Variants in SHOC1 observed in about 807,000 individuals in gnomAD.
The protein encoded by SHOC1 is shortage in chiasmata 1, also known as protein shortage in chiasmata 1 ortholog.
Under a neutral mutation model 179.2 loss-of-function variants are expected in SHOC1, and 136 were observed. The ratio of observed to expected loss-of-function variants is 0.76; its 90% CI spans 0.66 to 0.87. The LOEUF (loss-of-function observed/expected upper bound fraction) is 0.87. Among genes scored for constraint, SHOC1 ranks in the 40% least tolerant of loss-of-function variants. The pLI, the probability that SHOC1 is intolerant of heterozygous loss-of-function variation, is 0.00. For synonymous variants in SHOC1, 489 were observed against 586.6 expected (o/e 0.83, Z 2.41); for missense variants, 1,538 against 1,700.8 (o/e 0.90, Z 1.68).
intron 5 of SHOC1, among the ~76,000 whole-genome samples, chr9:111,773,309 T>C (rs1835692579): frequency 6.6e-6 from 1 of 152,166 alleles, no homozygotes; most frequent in Non-Finnish European, 1.5e-5. Context: ...TATTTTATTT[T>C]ATTTTTATTT....
chr9:111,740,986 T>G (rs1052282212), intron 11 of SHOC1, among the ~76,000 whole-genome samples: 4 of 152,136 alleles, frequency 2.6e-5, no homozygotes, highest in Admixed American at 2.6e-4. Flanking sequence ...CTCCCAGGTT[T>G]TCAAGTGATT....
At chr9:111,752,554 GA>G (rs1292605740) in intron 8 of SHOC1, among the ~76,000 whole-genome samples, 1 of 152,070 alleles carries the variant, frequency 6.6e-6, no homozygotes, top group Non-Finnish European at 1.5e-5. Flanking sequence ...TTAGTAGAAT[GA>G]AAAAACAGGA....
intron 2 of SHOC1, among the ~76,000 whole-genome samples, chr9:111,789,226 A>T (rs1201072620): frequency 2.0e-5 from 3 of 152,218 alleles, no homozygotes; most frequent in Non-Finnish European, 4.4e-5. Flanking sequence ...TAAAGAGAAA[A>T]AGATTACTTA....
chr9:111,692,152 T>C lies in SHOC1; in HGVS notation c.3825A>G (p.Glu1275=), dbSNP rs149179298. The change falls in exon 27 of 28, where the codon GAA becomes GAG. Residue 1275 remains glutamate, a synonymous_variant. Transcript: ENST00000682961. The stretch of plus-strand genomic sequence containing the variant: ...AGGAGTTATAAGCCGGTCTCCTTGA[T>C]TCTATATTAATTAGAAAAGGAGTAT... The part of the protein sequence containing the change: ...GQNTPFLINI[E]SRRPAYNSFL... 2.3e-4 allele frequency: 370 copies of C among 1,613,818 alleles called. 1 individual carries two copies. In the African/African-American group the frequency reaches 4.3e-3, roughly 19 times the overall value.
At chr9:111,751,540 C>T (rs1181273873) in intron 8 of SHOC1, among the ~76,000 whole-genome samples, 1 of 152,024 alleles carries the variant, frequency 6.6e-6, no homozygotes, top group Non-Finnish European at 1.5e-5. Context: ...TTAAAAAAGG[C>T]TACGTCTCAG....
Position 111,785,977 on chromosome 9 carries a change from A to AAACAT in SHOC1, c.99_103dup (p.Leu35TyrfsTer11). On this transcript the variant is annotated frameshift_variant, in exon 3 of 28. Transcript: ENST00000682961. LOFTEE classifies it high-confidence loss of function. Reference sequence around the variant, plus strand: ...TACATGGTAACTTTCATCTTGATATAAACATGAAGGGATTCGAAGCAATAA... The same window carrying AAACAT: ...TACATGGTAACTTTCATCTTGATATAAACATAACATGAAGGGATTCGAAGCAATAA... The AAACAT allele has an allele frequency of 6.5e-7, 1 of 1,528,978 alleles. No homozygotes were observed. Among genetic ancestry groups the AAACAT allele is most frequent in the Admixed American group, 2.1e-5 (1 of 47,158 alleles). The allele number at this position is 1,528,978 out of a possible 1,614,324, so 94.7% of individuals were successfully genotyped here. A position where few individuals can be genotyped will look rare whatever the true frequency, so the allele number is the denominator to read the frequency against.
At chr9:111,750,699 T>C (rs1320769316) in intron 8 of SHOC1, among the ~76,000 whole-genome samples, 2 of 152,198 alleles carry the variant, frequency 1.3e-5, no homozygotes, top group African/African-American at 4.8e-5. Context: ...TGTTTGCTTT[T>C]TTCTTGTACA....
chr9:111,791,338 T>C (rs894484043), intron 2 of SHOC1, 36 bp downstream of exon 2: 7 of 1,253,900 alleles, frequency 5.6e-6, no homozygotes, highest in Non-Finnish European at 6.4e-6. Context: ...ACATCATAAT[T>C]CTCAGTAAAT....
chr9:111,691,515 T>TTCC, intron 27 of SHOC1, 36 bp downstream of exon 27: 1 of 1,510,908 alleles, frequency 6.6e-7, no homozygotes, highest in Non-Finnish European at 8.9e-7. Context: ...AAAATTAAAT[T>TTCC]TGAGAGTAGT....
chr9:111,754,111 T>G (rs1240213791), intron 8 of SHOC1, among the ~76,000 whole-genome samples: 1 of 152,208 alleles, frequency 6.6e-6, no homozygotes, highest in African/African-American at 2.4e-5. Context: ...GGTAAATATT[T>G]CACAATGTAT....
chr9:111,786,296 G>A (rs939238603), intron 2 of SHOC1, among the ~76,000 whole-genome samples: 2 of 152,096 alleles, frequency 1.3e-5, no homozygotes, highest in African/African-American at 4.8e-5. Flanking sequence ...TTATCCGGGC[G>A]TGGTTGTGGG....
In SHOC1 at chr9:111,780,873, C is replaced by A. The variant is rs1363613503; in HGVS notation, c.257+57G>T. On this transcript the variant is annotated intron_variant, in intron 4 of 27. Coordinates refer to ENST00000682961, the MANE Select transcript of SHOC1 (RefSeq NM_001378211.1). ...TTTCCCTCTTTAGGTATCTGGAGAACTTACTGTTTATCTTCTACTAGATGT... is the reference window on the plus strand; with the variant it reads ...TTTCCCTCTTTAGGTATCTGGAGAAATTACTGTTTATCTTCTACTAGATGT... 3.3e-6 allele frequency: 4 copies of A among 1,211,556 alleles called. No homozygotes were observed. In the African/African-American group the frequency reaches 6.1e-5, roughly 18 times the overall value. The allele number at this position is 1,211,556 out of a possible 1,614,324, so 75.1% of individuals were successfully genotyped here.
In SHOC1 at chr9:111,775,841, G is replaced by C. The variant is rs760920708; in HGVS notation, c.392C>G (p.Thr131Ser). 7 of 1,613,252 alleles carry C rather than the reference G, an allele frequency of 4.3e-6. No homozygotes were observed. In the Middle Eastern group the frequency reaches 5.0e-4, roughly 114 times the overall value. ...YTHMDYNEVF[T>S]PVSCLEKCSA... ...ACATTTTTCTAAACAACTGACAGGG[G>C]TAAAGACTTCATTGTAGTCCATGTG... is the stretch of plus-strand genomic sequence containing the variant. The change falls in exon 5 of 28, where the codon ACC becomes AGC. Residue 131 changes from threonine (T) to serine (S), a missense_variant. Physicochemically the swap from Thr to Ser is moderately conservative, Grantham distance 58. Transcript: ENST00000682961.
intron 16 of SHOC1, among the ~76,000 whole-genome samples, chr9:111,716,207 A>T (rs1832777897): frequency 1.3e-5 from 2 of 152,072 alleles, no homozygotes; most frequent in South Asian, 4.1e-4. Flanking sequence ...GTAGATAAAT[A>T]GTAATGCCAA....
chr9:111,741,681 T>C (rs1834048278), intron 10 of SHOC1, 111 bp from the exon 11 acceptor site: 1 of 481,634 alleles, frequency 2.1e-6, no homozygotes. Flanking sequence ...TCGCCCAGGC[T>C]GGGGTACAGT....
At chr9:111,741,760 C>T (rs1589431190) in intron 10 of SHOC1, among the ~76,000 whole-genome samples, 190 bp from the exon 11 acceptor site, 1 of 151,974 alleles carries the variant, frequency 6.6e-6, no homozygotes. Flanking sequence ...GGCTCCCGAG[C>T]AGCTGGGATT....
At chr9:111,735,726 G>T (rs1833785879) in intron 12 of SHOC1, among the ~76,000 whole-genome samples, 1 of 152,114 alleles carries the variant, frequency 6.6e-6, no homozygotes, top group Non-Finnish European at 1.5e-5. Flanking sequence ...TGGGTCAAAT[G>T]GTATTTCTGG....
rs888355110 is a variant in SHOC1, at chr9:111,718,149, G to A, written c.2236+35C>T. 2.9e-6 allele frequency: 4 copies of A among 1,402,044 alleles called. No individual in the cohort carries two copies. The African/African-American group carries it at 4.4e-5, about 15-fold the overall frequency. The allele number at this position is 1,402,044 out of a possible 1,614,324, so 86.9% of individuals were successfully genotyped here. On this transcript the variant is annotated intron_variant, in intron 16 of 27. Transcript: ENST00000682961. The stretch of plus-strand genomic sequence containing the variant: ...GTTATTTCAGATGAAATATTTAATA[G>A]GAAGAAAAGAGGAAATAAAATATTC...
intron 1 of SHOC1, among the ~76,000 whole-genome samples, chr9:111,793,219 T>G (rs528282233): frequency 6.6e-6 from 1 of 152,324 alleles, no homozygotes; most frequent in South Asian, 2.1e-4. Context: ...ATTCTAGAAC[T>G]TCCATTTCTT....
Sources: gnomAD v4.1 joint callset for allele counts (sites outside exome capture counted in the v4.1 genomes callset) on GRCh38, gnomAD v4.1.1 for gene constraint, MANE v1.5 for transcripts, NCBI Gene and HGNC (gene_info 2026-07-23, HGNC 2026-07-21) for gene names.